Variants in SNX29 observed in about 807,000 individuals in gnomAD.
The protein encoded by SNX29 is sorting nexin 29.
SNX29 carries 78 observed loss-of-function variants against 102.1 expected under a neutral mutation model. The ratio of observed to expected loss-of-function variants is 0.76; its 90% confidence interval spans 0.64 to 0.92. SNX29 has a LOEUF of 0.92. Ranked by LOEUF, SNX29 falls within the 40% of genes least tolerant of loss-of-function variation. SNX29 has a pLI of 0.00. For synonymous variants in SNX29, 580 were observed against 414.5 expected, an observed-to-expected ratio of 1.40 and a Z score of -4.85; for missense variants, 1,280 against 1,061.7, an observed-to-expected ratio of 1.21 and a Z score of -2.86.
chr16:12,364,697 C>T (rs1355851002), intron 16 of SNX29, among the ~76,000 whole-genome samples: 1 of 152,156 alleles, frequency 6.6e-6, no homozygotes, highest in Non-Finnish European at 1.5e-5. Flanking sequence ...AACACGAGCT[C>T]ACTTCATATA....
intron 20 of SNX29, among the ~76,000 whole-genome samples, chr16:12,539,966 G>C (rs1267533891): frequency 6.6e-6 from 1 of 152,302 alleles, no homozygotes; most frequent in Non-Finnish European, 1.5e-5. Flanking sequence ...CATGTGAGTT[G>C]CACATATTTT....
rs147203580 is a variant in SNX29, at chr16:12,464,152, G to T, written c.2038-13567G>T. Among the ~76,000 whole-genome samples, 9 of 151,106 alleles carry T rather than the reference G, an allele frequency of 6.0e-5. No homozygotes were observed. In the East Asian group the frequency reaches 1.8e-3, roughly 30 times the overall value. ...GTGTCTGGCTTATTTGGTGTAATAC[G>T]ATCCCCTCCAGGTTTATCCATGTTG... On this transcript the variant is annotated intron_variant, in intron 18 of 20. Coordinates refer to ENST00000566228, the MANE Select transcript of SNX29 (RefSeq NM_032167.5).
intron 13 of SNX29, among the ~76,000 whole-genome samples, chr16:12,167,633 T>A (rs2076047337): frequency 6.6e-6 from 1 of 152,158 alleles, no homozygotes; most frequent in Non-Finnish European, 1.5e-5. Flanking sequence ...GTTTAGTGTG[T>A]TTCAGACATT....
chr16:12,369,714 C>T (rs1339947186), intron 16 of SNX29, among the ~76,000 whole-genome samples: 1 of 149,450 alleles, frequency 6.7e-6, no homozygotes, highest in East Asian at 1.9e-4. Flanking sequence ...GCTAAATTAA[C>T]ACACACAGTA....
At chr16:12,197,630 T>G (rs1315954773) in intron 13 of SNX29, among the ~76,000 whole-genome samples, 2 of 152,202 alleles carry the variant, frequency 1.3e-5, no homozygotes, top group African/African-American at 4.8e-5. Flanking sequence ...AGATTTTGTC[T>G]CCCACAAACA....
chr16:12,483,209 A>G (rs2088052738), intron 19 of SNX29, among the ~76,000 whole-genome samples: 2 of 134,624 alleles, frequency 1.5e-5, no homozygotes, highest in African/African-American at 2.8e-5. Context: ...GCATTTCACC[A>G]TGTTGGCCAG....
chr16:12,075,111 T>G (rs193060772), intron 10 of SNX29, among the ~76,000 whole-genome samples: 6 of 152,200 alleles, frequency 3.9e-5, no homozygotes, highest in African/African-American at 1.4e-4. Context: ...TGGTTTGAAT[T>G]TCCTCCTGTA....
chr16:12,495,898 C>T lies in SNX29; in HGVS notation c.2178+18039C>T, dbSNP rs1484860832. Among the ~76,000 whole-genome samples the T allele has an allele frequency of 3.9e-5, 6 of 152,160 alleles. No individual in the cohort carries two copies. The East Asian group carries it at 1.2e-3, about 29-fold the overall frequency. ...TAAAACCCCATGTCTACTAAAAATA[C>T]AAAAATTAGACAGATACGGTGTCAG... On this transcript the variant is annotated intron_variant, in intron 19 of 20. Transcript: ENST00000566228.
chr16:12,136,599 G>T lies in SNX29; in HGVS notation c.1595+6841G>T, dbSNP rs74820518. On this transcript the variant is annotated intron_variant, in intron 13 of 20. Transcript: ENST00000566228. Reference sequence around the variant, plus strand: ...CCATCTTCCCTTGGCGCCGCCCTCTGCGCACTGGTGTCATGCTTAGGAAGG... The same window carrying T: ...CCATCTTCCCTTGGCGCCGCCCTCTTCGCACTGGTGTCATGCTTAGGAAGG... Among the ~76,000 whole-genome samples the T allele has an allele frequency of 7.9e-3, 1,207 of 152,348 alleles. 17 individuals are homozygous for T. The highest frequency in any genetic ancestry group is 0.028 in the African/African-American group (1,149 of 41,588).
chr16:12,048,556 C>T lies in SNX29; in HGVS notation c.684C>T (p.Ser228=), dbSNP rs756753184. The part of the protein sequence containing the change: ...FREITASSAV[S]ILIKPEQETD... Reference sequence around the variant, plus strand: ...AGATCACAGCCTCCTCTGCCGTCTCCATCCTCATCAAACCTGAACAGGAGA... The same window carrying T: ...AGATCACAGCCTCCTCTGCCGTCTCTATCCTCATCAAACCTGAACAGGAGA... Residue 228 remains serine, a synonymous_variant, in exon 7 of 21, where the codon TCC becomes TCT. Coordinates refer to ENST00000566228, the MANE Select transcript of SNX29 (RefSeq NM_032167.5). The T allele has an allele frequency of 6.2e-7, 1 of 1,613,842 alleles. No individual in the cohort carries two copies. Among genetic ancestry groups the T allele is most frequent in the Non-Finnish European group, 8.5e-7 (1 of 1,179,870 alleles).
chr16:12,312,955 T>A lies in SNX29; in HGVS notation c.1782+34919T>A, dbSNP rs553469516. Among the ~76,000 whole-genome samples the A allele has an allele frequency of 2.0e-5, 3 of 151,926 alleles. No individual in the cohort carries two copies. In the South Asian group the frequency reaches 6.2e-4, roughly 32 times the overall value. On this transcript the variant is annotated intron_variant, in intron 15 of 20. Coordinates refer to ENST00000566228, the MANE Select transcript of SNX29 (RefSeq NM_032167.5). The stretch of plus-strand genomic sequence containing the variant: ...GGGATGGCCTTCCGAGTCAGGGGGA[T>A]CTGGCTTTTCAGGTCTAGCATTGTC...
rs946118612 is a variant in SNX29 at position 12,571,175 on chromosome 16, G to A, written c.*2546G>A. ...CAGAAGAATCCCGTCCTGCTCTCTA[G>A]TGTGGTGGGATGAACTTCAGGCAAC... On this transcript the variant is annotated 3_prime_UTR_variant, in exon 21 of 21. Coordinates refer to ENST00000566228, the MANE Select transcript of SNX29 (RefSeq NM_032167.5). The A allele has an allele frequency of 4.3e-6, 1 of 232,492 alleles. No individual in the cohort carries two copies. The highest frequency in any genetic ancestry group is 6.1e-5 in the East Asian group (1 of 16,518). The allele number at this position is 232,492 out of a possible 1,614,324, so 14.4% of individuals were successfully genotyped here.
intron 19 of SNX29, among the ~76,000 whole-genome samples, chr16:12,513,829 A>T (rs1446078922): frequency 6.6e-6 from 1 of 152,230 alleles, no homozygotes; most frequent in Non-Finnish European, 1.5e-5. Context: ...TTGGGAAGCC[A>T]CCGCTATGAG....
intron 20 of SNX29, among the ~76,000 whole-genome samples, chr16:12,561,976 C>T (rs5018327): frequency 0.26 from 40,004 of 152,040 alleles, 5,875 homozygotes; most frequent in East Asian, 0.44. Context: ...CCCAGAGTGT[C>T]TACCAGCTTG....
intron 13 of SNX29, among the ~76,000 whole-genome samples, chr16:12,197,916 C>A (rs143794712): frequency 6.6e-6 from 1 of 151,720 alleles, no homozygotes; most frequent in Non-Finnish European, 1.5e-5. Context: ...GTGCTGTTGC[C>A]GTGGGCTGAG....
At position 12,252,799 on chromosome 16, in the gene SNX29, T is replaced by C. The variant is rs143812125; in HGVS notation, c.1679-25134T>C. ...CTGGGCACCCAGCCATGGGGAGCCTTTGGTGGGCCGCCAGCTGTGTCTCCA... is the reference window on the plus strand; with the variant it reads ...CTGGGCACCCAGCCATGGGGAGCCTCTGGTGGGCCGCCAGCTGTGTCTCCA... On this transcript the variant is annotated intron_variant, in intron 14 of 20. Transcript: ENST00000566228. Among the ~76,000 whole-genome samples, 430 of 152,320 alleles carry C rather than the reference T, an allele frequency of 2.8e-3. 6 individuals carry two copies. Among genetic ancestry groups the C allele is most frequent in the African/African-American group, 9.5e-3 (396 of 41,564 alleles).
At position 12,068,928 on chromosome 16, in the gene SNX29, G is replaced by T. The variant is rs1379695170; in HGVS notation, c.1244-129G>T. 5 of 770,116 alleles carry T rather than the reference G, an allele frequency of 6.5e-6. No individual in the cohort carries two copies. The African/African-American group carries it at 7.0e-5, about 11-fold the overall frequency. The allele number at this position is 770,116 out of a possible 1,614,324, so 47.7% of individuals were successfully genotyped here. A position where few individuals can be genotyped will look rare whatever the true frequency, so the allele number is the denominator to read the frequency against. On this transcript the variant is annotated intron_variant, in intron 9 of 20. Transcript: ENST00000566228. ...CAGCTGATTAAAATCCAGCTTGCAG[G>T]AGAGATGGAGAAAAATTTCTTAGTC...
At chr16:12,101,531 G>T (rs1044687135) in intron 11 of SNX29, among the ~76,000 whole-genome samples, 2 of 151,752 alleles carry the variant, frequency 1.3e-5, no homozygotes, top group Non-Finnish European at 2.9e-5. Context: ...TTACAGGCAT[G>T]CACCACCATG....
chr16:12,542,768 T>G (rs1448217531), intron 20 of SNX29, among the ~76,000 whole-genome samples: 1 of 152,150 alleles, frequency 6.6e-6, no homozygotes, highest in Non-Finnish European at 1.5e-5. Flanking sequence ...CCTTTTTTTT[T>G]TTTTTAAACA....
Sources: allele counts gnomAD v4.1 joint callset (sites outside exome capture counted in the v4.1 genomes callset), GRCh38; gene constraint gnomAD v4.1.1; transcripts MANE v1.5; gene names NCBI Gene and HGNC (gene_info 2026-07-23, HGNC 2026-07-21).